Variants in CCR6 observed in about 807,000 individuals in gnomAD.
CCR6 encodes the protein C-C chemokine receptor type 6.
A neutral mutation model predicts 3.0 loss-of-function variants in CCR6; 2 were observed. The ratio of observed to expected loss-of-function variants is 0.66; its 90% CI spans 0.27 to 2.07. The LOEUF is 2.07. CCR6 is among the 30% of genes most tolerant of loss of function. The pLI is 0.14. For synonymous variants in CCR6, 193 were observed against 184.3 expected (o/e 1.05, Z -0.38); for missense variants, 322 against 462.8 (o/e 0.70, Z 2.79).
At chr6:167,123,070 C>G (rs984269776), upstream of CCR6, 2 of 152,778 alleles carry the variant, frequency 1.3e-5, no homozygotes, top group Non-Finnish European at 2.9e-5. Context: ...CCAGAACTTG[C>G]TTTTGGGCAA....
Position 167,136,458 on chromosome 6 carries a change from G to C in CCR6, c.228G>C (p.Lys76Asn). The C allele has an allele frequency of 6.2e-7, 1 of 1,607,808 alleles. No individual in the cohort carries two copies. Among genetic ancestry groups the C allele is most frequent in the Non-Finnish European group, 8.5e-7 (1 of 1,177,194 alleles). The part of the protein sequence containing the change: ...LVVITFAFYK[K>N]ARSMTDVYLL... Reference sequence around the variant, plus strand: ...TGATCACCTTTGCTTTTTATAAGAAGGCCAGGTCTATGACAGACGTCTATC... The same window carrying C: ...TGATCACCTTTGCTTTTTATAAGAACGCCAGGTCTATGACAGACGTCTATC... Residue 76 changes from lysine to asparagine, a missense_variant, in exon 3 of 3, where the codon AAG becomes AAC. Coordinates refer to ENST00000341935, the MANE Select transcript of CCR6 (RefSeq NM_031409.4). The surrounding 1 kb of genome is among the most constrained non-coding windows in gnomAD (Gnocchi z 4.6).
upstream of CCR6, among the ~76,000 whole-genome samples, chr6:167,122,171 G>A (rs1404513881): frequency 7.9e-5 from 12 of 152,144 alleles, no homozygotes; most frequent in Non-Finnish European, 5.9e-5. The surrounding 1 kb of genome is among the most constrained non-coding windows in gnomAD (Gnocchi z 4.2). Context: ...GCCTGGGGGT[G>A]GGGAGGCACA....
Position 167,134,049 on chromosome 6 carries a change from C to A in CCR6, c.-97-1989C>A, listed in dbSNP as rs186845531. On this transcript the variant is annotated intron_variant, in intron 1 of 2. Coordinates refer to ENST00000341935, the MANE Select transcript of CCR6 (RefSeq NM_031409.4). ...ATATTTCACCTCCCATGCCCTCCAC[C>A]CCTGCCATGCTCTGCAGCTTAGAAA... Among the ~76,000 whole-genome samples the A allele has an allele frequency of 1.9e-3, 291 of 150,762 alleles. 3 individuals carry two copies. Among genetic ancestry groups the A allele is most frequent in the Non-Finnish European group, 3.1e-3 (209 of 67,824 alleles).
rs1270098580 is a variant in CCR6 at position 167,133,921 on chromosome 6, G to GAT, written c.-97-2112_-97-2111dup. Reference sequence around the variant, plus strand: ...TATAATTATTGATACTATTATATATGATATATGTGTGTATATATATATATA... The same window carrying GAT: ...TATAATTATTGATACTATTATATATGATATATATGTGTGTATATATATATATA... On this transcript the variant is annotated intron_variant, in intron 1 of 2. Transcript: ENST00000341935. Among the ~76,000 whole-genome samples, 194 of 62,546 alleles carry GAT rather than the reference G, an allele frequency of 3.1e-3. 3 individuals are homozygous for GAT. The highest frequency in any genetic ancestry group is 4.9e-3 in the Non-Finnish European group (166 of 33,714). The allele number at this position is 62,546 out of a possible 152,430, so 41.0% of individuals were successfully genotyped here.
intron 1 of CCR6, chr6:167,129,660 T>C (rs1781722660): frequency 6.6e-6 from 1 of 151,672 alleles, no homozygotes; most frequent in African/African-American, 2.4e-5. Context: ...CTGCTTTCTC[T>C]TGTCTTCAGA....
At position 167,136,255 on chromosome 6, in the gene CCR6, A is replaced by G. The variant is rs578256598; in HGVS notation, c.25A>G (p.Ser9Gly). The G allele has an allele frequency of 5.0e-6, 8 of 1,606,796 alleles. No homozygotes were observed. In the East Asian group the frequency reaches 6.7e-5, roughly 13 times the overall value. MSGESMNF[S>G]DVFDSSEDYF... ...TCCTTTCCAGGAATCAATGAATTTCAGCGATGTTTTCGACTCCAGTGAAGA... is the reference window on the plus strand; with the variant it reads ...TCCTTTCCAGGAATCAATGAATTTCGGCGATGTTTTCGACTCCAGTGAAGA... Residue 9 changes from serine (S) to glycine (G), a missense_variant, in exon 3 of 3, where the codon AGC (serine) becomes GGC (glycine). Coordinates refer to ENST00000341935, the MANE Select transcript of CCR6 (RefSeq NM_031409.4). This position sits in a 1 kb window ranked among gnomAD's most constrained non-coding sequence, Gnocchi z 4.6.
chr6:167,129,807 G>C (rs1328299910), intron 1 of CCR6, among the ~76,000 whole-genome samples: 2 of 151,630 alleles, frequency 1.3e-5, no homozygotes, highest in South Asian at 4.1e-4. Context: ...TCCTGTGAGA[G>C]GCTAACATTC....
At chr6:167,124,804 C>CAA (rs1183003819) in intron 1 of CCR6, among the ~76,000 whole-genome samples, 2 of 151,800 alleles carry the variant, frequency 1.3e-5, no homozygotes, top group Admixed American at 1.3e-4. Flanking sequence ...TGCGCGCACA[C>CAA]ACACACACAC....
chr6:167,134,145 C>G (rs995818068), intron 1 of CCR6, among the ~76,000 whole-genome samples: 1 of 151,708 alleles, frequency 6.6e-6, no homozygotes, highest in Non-Finnish European at 1.5e-5. Flanking sequence ...TGCCTAGTGC[C>G]GAGGTCTGAA....
upstream of CCR6, chr6:167,119,468 T>A (rs996338910): frequency 6.6e-6 from 1 of 152,236 alleles, no homozygotes; most frequent in Non-Finnish European, 1.5e-5. Context: ...GTGCTGTACA[T>A]AGTAACTATC....
At chr6:167,117,562 G>T (rs530380256) in intron 1 of CCR6, among the ~76,000 whole-genome samples, 1 of 151,460 alleles carries the variant, frequency 6.6e-6, no homozygotes, top group Non-Finnish European at 1.5e-5. Flanking sequence ...GACTACAGGC[G>T]CGCGCCACCA....
At chr6:167,124,198 A>G (rs550396452) in intron 1 of CCR6, among the ~76,000 whole-genome samples, 1 of 152,184 alleles carries the variant, frequency 6.6e-6, no homozygotes, top group Non-Finnish European at 1.5e-5. Flanking sequence ...TTAAATGGTT[A>G]AAGATGTAAT....
chr6:167,113,988 A>G (rs1455068066), intron 1 of CCR6, among the ~76,000 whole-genome samples: 1 of 152,226 alleles, frequency 6.6e-6, no homozygotes, highest in Non-Finnish European at 1.5e-5. Context: ...TAAAATAGAC[A>G]TGAGATCTTA....
Position 167,123,163 on chromosome 6 carries a change from A to C in CCR6, c.-158A>C, listed in dbSNP as rs904238927. Reference sequence around the variant, plus strand: ...GATGGTCATCACATTGGTGAGCTGGAGTCATCAGATTGTGGGGCCCGGAGT... The same window carrying C: ...GATGGTCATCACATTGGTGAGCTGGCGTCATCAGATTGTGGGGCCCGGAGT... On this transcript the variant is annotated 5_prime_UTR_variant, in exon 1 of 3. Transcript: ENST00000341935. 6.5e-6 allele frequency: 1 copy of C among 152,768 alleles called. No homozygotes were observed. Among genetic ancestry groups the C allele is most frequent in the South Asian group, 2.1e-4 (1 of 4,836 alleles). The allele number at this position is 152,768 out of a possible 1,614,324, so 9.5% of individuals were successfully genotyped here.
intron 1 of CCR6, among the ~76,000 whole-genome samples, chr6:167,128,082 T>C (rs1028017110): frequency 2.0e-5 from 3 of 152,330 alleles, no homozygotes; most frequent in Admixed American, 2.0e-4. Flanking sequence ...TTCTCCCGTC[T>C]CCAGGGAGAA....
chr6:167,134,053 G>A (rs1781813367), intron 1 of CCR6, among the ~76,000 whole-genome samples: 2 of 149,954 alleles, frequency 1.3e-5, no homozygotes, highest in Non-Finnish European at 3.0e-5. Context: ...CTCCACCCCT[G>A]CCATGCTCTG....
chr6:167,136,578 C>T lies in CCR6; in HGVS notation c.348C>T (p.Ala116=). The T allele has an allele frequency of 6.2e-7, 1 of 1,609,084 alleles. No individual in the cohort carries two copies. Among genetic ancestry groups the T allele is most frequent in the East Asian group, 2.2e-5 (1 of 44,808 alleles). The change falls in exon 3 of 3, where the codon GCC becomes GCT. Residue 116 remains alanine, a synonymous_variant. Coordinates refer to ENST00000341935, the MANE Select transcript of CCR6 (RefSeq NM_031409.4). The surrounding 1 kb of genome is among the most constrained non-coding windows in gnomAD (Gnocchi z 4.6). ...CCGGTGCGTGGGTTTTCAGCAATGC[C>T]ACGTGCAAGTTGCTAAAAGGCATCT... The part of the protein sequence containing the change: ...HATGAWVFSN[A]TCKLLKGIYA...
At chr6:167,112,915 C>T (rs1336898831) in intron 1 of CCR6, among the ~76,000 whole-genome samples, 2 of 151,824 alleles carry the variant, frequency 1.3e-5, no homozygotes, top group Non-Finnish European at 2.9e-5. Flanking sequence ...CTAGTGATAG[C>T]ATTGTCTCCC....
At chr6:167,120,823 A>G (rs1781574210), upstream of CCR6, 1 of 152,226 alleles carries the variant, frequency 6.6e-6, no homozygotes, top group South Asian at 2.1e-4. Flanking sequence ...AATTTGAGGA[A>G]GTTTCAATAA....
Sources: allele counts gnomAD v4.1 joint callset (sites outside exome capture counted in the v4.1 genomes callset), GRCh38; gene constraint gnomAD v4.1.1; non-coding constraint Gnocchi (gnomAD v3.1); transcripts MANE v1.5; gene names NCBI Gene and HGNC (gene_info 2026-07-23, HGNC 2026-07-21).